Variants in HECW1 observed in about 807,000 individuals in gnomAD.
The protein encoded by HECW1 is E3 ubiquitin-protein ligase HECW1.
HECW1 carries 61 observed loss-of-function variants against 182.3 expected under a neutral mutation model. That is an observed-to-expected ratio of 0.33 (90% CI 0.27 to 0.41). HECW1 has a LOEUF of 0.41. HECW1 is among the 10% of genes least tolerant of loss of function. The pLI is 1.00. For missense variants in HECW1, 1,739 were observed against 2,108.9 expected, an observed-to-expected ratio of 0.82 and a Z score of 3.44; for synonymous variants, 859 against 832.6, an observed-to-expected ratio of 1.03 and a Z score of -0.55.
At chr7:43,203,603 AC>A (rs1441214403) in intron 2 of HECW1, among the ~76,000 whole-genome samples, 1 of 152,136 alleles carries the variant, frequency 6.6e-6, no homozygotes, top group East Asian at 1.9e-4. Flanking sequence ...GATTATAGGC[AC>A]CTGCCACCAT....
intron 2 of HECW1, among the ~76,000 whole-genome samples, chr7:43,232,470 CA>C (rs1028341470): frequency 2.6e-5 from 4 of 152,222 alleles, no homozygotes; most frequent in African/African-American, 9.6e-5. Flanking sequence ...CATACAATCT[CA>C]GTGGCTTCCA....
rs144491751 is a variant in HECW1 at position 43,205,127 on chromosome 7, G to A, written c.-31-38748G>A. Among the ~76,000 whole-genome samples, 1,242 of 151,430 alleles carry A rather than the reference G, an allele frequency of 8.2e-3. 8 individuals carry two copies. The highest frequency in any genetic ancestry group is 0.014 in the Non-Finnish European group (956 of 67,876). The stretch of plus-strand genomic sequence containing the variant: ...GAAATGGAGTCTCGCACTATTGCCC[G>A]GGCTGGAGTGCAGTGGTGCGATCTT... On this transcript the variant is annotated intron_variant, in intron 2 of 29. Transcript: ENST00000395891.
intron 26 of HECW1, among the ~76,000 whole-genome samples, chr7:43,546,595 G>A (rs2081572916): frequency 6.8e-6 from 1 of 147,542 alleles, no homozygotes; most frequent in Admixed American, 6.8e-5. Context: ...GTTCTGGGTG[G>A]CCAAGGGCAT....
At chr7:43,165,231 T>A (rs1186715195) in intron 2 of HECW1, among the ~76,000 whole-genome samples, 4 of 152,264 alleles carry the variant, frequency 2.6e-5, no homozygotes, top group Non-Finnish European at 4.4e-5. Flanking sequence ...AATGTGTCAA[T>A]TTCCCTTTTT....
chr7:43,556,500 A>C (rs1205932023), intron 29 of HECW1, among the ~76,000 whole-genome samples: 2 of 152,176 alleles, frequency 1.3e-5, no homozygotes, highest in Non-Finnish European at 2.9e-5. Flanking sequence ...CAACCTGGGC[A>C]ACAGGACAAG....
At chr7:43,290,242 G>T (rs1231948452) in intron 3 of HECW1, among the ~76,000 whole-genome samples, 1 of 152,146 alleles carries the variant, frequency 6.6e-6, no homozygotes, top group Non-Finnish European at 1.5e-5. Context: ...TATATTTGGG[G>T]GTAAAATATT....
chr7:43,445,204 T>TGCA lies in HECW1; in HGVS notation c.2035_2037dup (p.Ser679dup). On this transcript the variant is annotated inframe_insertion, in exon 11 of 30. Transcript: ENST00000395891. ...TTGCGAGGGCTGTGACGCGTCCTGC[T>TGCA]GCAGCCCCTCGTGCTACAGCTCCTC... 6.2e-7 allele frequency: 1 copy of TGCA among 1,613,340 alleles called. No individual in the cohort carries two copies. The highest frequency in any genetic ancestry group is 8.5e-7 in the Non-Finnish European group (1 of 1,179,880).
chr7:43,520,458 C>A (rs1248339665), intron 24 of HECW1, among the ~76,000 whole-genome samples: 3 of 152,104 alleles, frequency 2.0e-5, no homozygotes, highest in Non-Finnish European at 2.9e-5. Flanking sequence ...TGCTCTGCTG[C>A]CCATATGTGC....
chr7:43,184,797 A>G (rs1018918681), intron 2 of HECW1, among the ~76,000 whole-genome samples: 2 of 152,178 alleles, frequency 1.3e-5, no homozygotes, highest in African/African-American at 2.4e-5. Flanking sequence ...TTCAGGAAAC[A>G]CGATGCTGGC....
In HECW1 at chr7:43,243,350, A is replaced by G. The variant is rs1354436227; in HGVS notation, c.-31-525A>G. ...GTGGTGACAGTCACTCCGCAGGACA[A>G]CAAGTGGAAGGGGATGGCACTTCTT... is the stretch of plus-strand genomic sequence containing the variant. On this transcript the variant is annotated intron_variant, in intron 2 of 29. Transcript: ENST00000395891. This position sits in a 1 kb window ranked among gnomAD's most constrained non-coding sequence, Gnocchi z 4.0. Among the ~76,000 whole-genome samples the G allele has an allele frequency of 1.3e-5, 2 of 148,370 alleles. No homozygotes were observed. Among genetic ancestry groups the G allele is most frequent in the Non-Finnish European group, 2.9e-5 (2 of 68,034 alleles).
intron 3 of HECW1, among the ~76,000 whole-genome samples, chr7:43,286,218 G>A (rs1804620803): frequency 6.6e-6 from 1 of 152,200 alleles, no homozygotes; most frequent in Non-Finnish European, 1.5e-5. Flanking sequence ...AATCAGCACA[G>A]TCCAAACAGA....
intron 5 of HECW1, among the ~76,000 whole-genome samples, chr7:43,332,373 T>C (rs1374977349): frequency 1.3e-5 from 2 of 152,156 alleles, no homozygotes; most frequent in Non-Finnish European, 1.5e-5. Flanking sequence ...CCCATTTTGA[T>C]CTCCATGAGA....
intron 24 of HECW1, among the ~76,000 whole-genome samples, chr7:43,529,337 C>T (rs1299514911): frequency 6.6e-6 from 1 of 152,120 alleles, no homozygotes; most frequent in Non-Finnish European, 1.5e-5. Flanking sequence ...CATGCTTGCA[C>T]CCCATCTGAA....
intron 6 of HECW1, chr7:43,378,030 T>C (rs192109363): frequency 7.9e-5 from 14 of 176,544 alleles, no homozygotes; most frequent in Middle Eastern, 2.2e-3. Flanking sequence ...TAGTCACTAA[T>C]AAATAGTTGT....
intron 2 of HECW1, among the ~76,000 whole-genome samples, chr7:43,194,937 G>A (rs755966090): frequency 8.6e-5 from 13 of 152,034 alleles, no homozygotes; most frequent in Admixed American, 1.3e-4. Flanking sequence ...CAGGTAATCC[G>A]CCCTTCTTGG....
At chr7:43,259,027 G>C (rs995149984) in intron 3 of HECW1, among the ~76,000 whole-genome samples, 1 of 152,106 alleles carries the variant, frequency 6.6e-6, no homozygotes, top group African/African-American at 2.4e-5. Flanking sequence ...ATGGGAAAAA[G>C]TCAGCACTCT....
At chr7:43,488,420 GAGAA>G (rs200626288) in intron 17 of HECW1, among the ~76,000 whole-genome samples, 5,120 of 63,304 alleles carry the variant, frequency 0.081, 376 homozygotes, top group Middle Eastern at 0.18. Context: ...AAGAGAGAGA[GAGAA>G]AGAAAGAAAG....
At chr7:43,433,008 T>C (rs1443899473) in intron 8 of HECW1, among the ~76,000 whole-genome samples, 1 of 152,226 alleles carries the variant, frequency 6.6e-6, no homozygotes, top group African/African-American at 2.4e-5. Context: ...CGATTGAAGA[T>C]GATAGGAGCA....
intron 3 of HECW1, among the ~76,000 whole-genome samples, chr7:43,270,209 C>T (rs557138650): frequency 1.3e-5 from 2 of 152,238 alleles, no homozygotes; most frequent in East Asian, 1.9e-4. Context: ...TGGTTTCTGC[C>T]GGTCAGTCAT....
Sources: gnomAD v4.1 joint callset for allele counts (sites outside exome capture counted in the v4.1 genomes callset) on GRCh38, gnomAD v4.1.1 for gene constraint, Gnocchi (gnomAD v3.1) non-coding constraint, MANE v1.5 for transcripts, NCBI Gene and HGNC (gene_info 2026-07-23, HGNC 2026-07-21) for gene names.